Variants in BAZ2A observed in about 807,000 individuals in gnomAD.
BAZ2A encodes the protein bromodomain adjacent to zinc finger domain 2A, also known as bromodomain adjacent to zinc finger domain protein 2A.
A neutral mutation model predicts 199.9 loss-of-function variants in BAZ2A; 34 were observed. The observed-to-expected ratio is 0.17, with a 90% CI of 0.13 to 0.23. The LOEUF is 0.23. Among genes scored for constraint, BAZ2A ranks in the 10% least tolerant of loss-of-function variants. BAZ2A has a pLI of 1.00. For missense variants in BAZ2A, 2,002 were observed against 2,391.1 expected, an observed-to-expected ratio of 0.84 and a Z score of 3.39; for synonymous variants, 857 against 883.9, an observed-to-expected ratio of 0.97 and a Z score of 0.54.
rs1417979080 is a variant in BAZ2A, at chr12:56,600,749, C to A, written c.4534G>T (p.Asp1512Tyr). The change falls in exon 23 of 29, where the codon GAC becomes TAC. Residue 1512 changes from aspartate (D) to tyrosine (Y), a missense_variant. Physicochemically the swap from Asp to Tyr is radical, Grantham distance 160. This residue lies in a region of BAZ2A where 1,081 missense variants were observed against 1,274.7 expected (regional missense o/e 0.85). Coordinates refer to ENST00000549884, the MANE Select transcript of BAZ2A (RefSeq NM_001300905.2). ...TCTACCCATTGAAGCACTGCTAGGT[C>A]TGTCTCGTATGTCTTCTCTTTGGGG... Reference protein sequence around the residue: ...WSPKEKTYETDLAVLQWVEEL... With the variant: ...WSPKEKTYETYLAVLQWVEEL... 9.9e-6 allele frequency: 16 copies of A among 1,613,836 alleles called. 1 individual carries two copies. Among genetic ancestry groups the A allele is most frequent in the South Asian group, 4.4e-5 (4 of 91,072 alleles).
At chr12:56,616,490 A>T (rs551556715) in intron 2 of BAZ2A, among the ~76,000 whole-genome samples, 1 of 152,104 alleles carries the variant, frequency 6.6e-6, no homozygotes, top group Non-Finnish European at 1.5e-5. Context: ...GCCCTTCCCT[A>T]TAGGCATTGG....
At chr12:56,627,945 G>GGA (rs1269859494) in intron 1 of BAZ2A, among the ~76,000 whole-genome samples, 2 of 151,646 alleles carry the variant, frequency 1.3e-5, no homozygotes, top group African/African-American at 2.4e-5. Flanking sequence ...ACTTTGGGAG[G>GGA]CCGAGGTGGG....
At chr12:56,606,809 G>A (rs534744742) in intron 10 of BAZ2A, 76 bp from the exon 11 acceptor site, 47 of 1,213,222 alleles carry the variant, frequency 3.9e-5, no homozygotes, top group African/African-American at 1.8e-4. Flanking sequence ...ACACATGCCC[G>A]TCTCAAAGCT....
intron 12 of BAZ2A, 82 bp downstream of exon 12, chr12:56,606,165 A>G: frequency 1.9e-6 from 3 of 1,594,286 alleles, no homozygotes; most frequent in South Asian, 2.2e-5. Context: ...ATCTCACTAT[A>G]AAACAAGACT....
chr12:56,637,591 T>C (rs141109643), upstream of BAZ2A, among the ~76,000 whole-genome samples: 2 of 152,346 alleles, frequency 1.3e-5, no homozygotes, highest in African/African-American at 2.4e-5. Context: ...GAGAACCCTT[T>C]TGATTCCATT....
rs1254279588 is a variant in BAZ2A at position 56,613,248 on chromosome 12, AG to A, written c.917-16del. On this transcript the variant is annotated splice_polypyrimidine_tract_variant and intron_variant, in intron 4 of 28. Coordinates refer to ENST00000549884, the MANE Select transcript of BAZ2A (RefSeq NM_001300905.2). Reference sequence around the variant, plus strand: ...ACTCACTGGCTCTGTTTACAAGGGTAGAAAAATCAGAGCAGGATAATGAGAA... The same window carrying A: ...ACTCACTGGCTCTGTTTACAAGGGTAAAAAATCAGAGCAGGATAATGAGAA... 4.3e-6 allele frequency: 7 copies of A among 1,610,960 alleles called. No homozygotes were observed. The highest frequency in any genetic ancestry group is 5.9e-6 in the Non-Finnish European group (7 of 1,177,200).
Position 56,605,316 on chromosome 12 carries a change from G to T in BAZ2A, c.2505C>A (p.Asp835Glu), listed in dbSNP as rs766567230. The change falls in exon 14 of 29, where the codon GAC becomes GAA. Residue 835 changes from aspartate to glutamate, a missense_variant. Transcript: ENST00000549884. ...ATGTCAGACCAGGGACTCGTGAGAAGTCAGGCAGGGGCTAGAGAGAGAAAA... is the reference window on the plus strand; with the variant it reads ...ATGTCAGACCAGGGACTCGTGAGAATTCAGGCAGGGGCTAGAGAGAGAAAA... ...MCLTDHQPLP[D>E]FSRVPGLTLP... 10 of 1,611,914 alleles carry T rather than the reference G, an allele frequency of 6.2e-6. No individual in the cohort carries two copies. The highest frequency in any genetic ancestry group is 8.5e-6 in the Non-Finnish European group (10 of 1,178,558).
chr12:56,634,877 C>T (rs1951409812), upstream of BAZ2A: 2 of 979,526 alleles, frequency 2.0e-6, no homozygotes, highest in Non-Finnish European at 2.4e-6. Flanking sequence ...GCAGGGATCC[C>T]GGGGCAGGAT....
chr12:56,627,528 G>A (rs1465573993), intron 1 of BAZ2A, among the ~76,000 whole-genome samples: 1 of 150,064 alleles, frequency 6.7e-6, no homozygotes, highest in African/African-American at 2.5e-5. Flanking sequence ...AAAATCCTGT[G>A]GTCCTGGGGT....
At chr12:56,613,910 A>G (rs1237294665) in intron 4 of BAZ2A, 43 bp downstream of exon 4, 2 of 1,576,106 alleles carry the variant, frequency 1.3e-6, no homozygotes, top group Non-Finnish European at 8.7e-7. Flanking sequence ...AAGTTTGGCT[A>G]CTCTGCATGG....
intron 10 of BAZ2A, 52 bp from the exon 11 acceptor site, chr12:56,606,785 T>C (rs1361765289): frequency 3.4e-6 from 5 of 1,482,614 alleles, no homozygotes; most frequent in South Asian, 1.1e-5. Context: ...GGCAGTTCTC[T>C]AGCATCCAGG....
Position 56,604,245 on chromosome 12 carries a change from T to C in BAZ2A, c.3010A>G (p.Lys1004Glu). The change falls in exon 16 of 29, where the codon AAG (lysine) becomes GAG (glutamate). Residue 1004 changes from lysine to glutamate, a missense_variant. Physicochemically the swap from Lys to Glu is moderately conservative, Grantham distance 56. Around this residue, in one of 6 missense-constraint regions of BAZ2A, gnomAD observed 1,081 missense variants for 1,274.7 expected, o/e 0.85. Coordinates refer to ENST00000549884, the MANE Select transcript of BAZ2A (RefSeq NM_001300905.2). ...LESMSSYRKN[K>E]WIVEGRLRRL... is the part of the protein sequence containing the mutation. ...CGGAGCCGGCCTTCAACAATCCACT[T>C]GTTTTTCCTGTAGCTGGACATACTC... is the stretch of plus-strand genomic sequence containing the variant. 5 of 1,608,572 alleles carry C rather than the reference T, an allele frequency of 3.1e-6. No individual in the cohort carries two copies. The highest frequency in any genetic ancestry group is 4.2e-6 in the Non-Finnish European group (5 of 1,177,324).
intron 15 of BAZ2A, 77 bp downstream of exon 15, chr12:56,604,508 C>G: frequency 6.9e-7 from 1 of 1,458,930 alleles, no homozygotes; most frequent in Non-Finnish European, 9.2e-7. Flanking sequence ...TTTCTGAGGA[C>G]TTCTGGAAGG....
chr12:56,622,145 C>A (rs2137214894), intron 1 of BAZ2A, among the ~76,000 whole-genome samples: 1 of 152,176 alleles, frequency 6.6e-6, no homozygotes, highest in Admixed American at 6.5e-5. Flanking sequence ...TCGAAACCAG[C>A]CTGGCCAACA....
chr12:56,622,232 C>T (rs987610527), intron 1 of BAZ2A, among the ~76,000 whole-genome samples: 2 of 151,912 alleles, frequency 1.3e-5, no homozygotes, highest in African/African-American at 2.4e-5. Flanking sequence ...CCCAGCTACT[C>T]AGGAGGCTGA....
chr12:56,606,459 G>T, intron 11 of BAZ2A, 147 bp from the exon 12 acceptor site: 1 of 1,175,762 alleles, frequency 8.5e-7, no homozygotes, highest in East Asian at 2.3e-5. Context: ...TCACCCTAGA[G>T]ATGCCCACGT....
rs536436677 is a variant in BAZ2A, at chr12:56,612,942, C to T, written c.1135+73G>A. 4.1e-6 allele frequency: 6 copies of T among 1,480,086 alleles called. No homozygotes were observed. The East Asian group carries it at 9.6e-5, about 24-fold the overall frequency. 91.7% of individuals were successfully genotyped at this position (1,480,086 alleles called of 1,614,324 possible). A position where few individuals can be genotyped will look rare whatever the true frequency, so the allele number is the denominator to read the frequency against. ...CAGCCAGATTTCCCACTCTTAAGGCCCTAACTATGAAACTTATTCTCTCAT... is the reference window on the plus strand; with the variant it reads ...CAGCCAGATTTCCCACTCTTAAGGCTCTAACTATGAAACTTATTCTCTCAT... On this transcript the variant is annotated intron_variant, in intron 5 of 28. Transcript: ENST00000549884.
At chr12:56,600,905 G>T in intron 22 of BAZ2A, 38 bp downstream of exon 22, 1 of 1,612,132 alleles carries the variant, frequency 6.2e-7, no homozygotes. Context: ...GCTTATCCTG[G>T]GCTCTTCAGC....
intron 10 of BAZ2A, among the ~76,000 whole-genome samples, chr12:56,607,006 C>T (rs1004285396): frequency 4.6e-5 from 7 of 152,122 alleles, no homozygotes; most frequent in African/African-American, 1.7e-4. Flanking sequence ...TAGAAGGTGT[C>T]CTGCTGATAG....
Sources: gnomAD v4.1 joint callset for allele counts (sites outside exome capture counted in the v4.1 genomes callset) on GRCh38, gnomAD v4.1.1 for gene constraint, gnomAD v4.1.1 regional missense constraint, MANE v1.5 for transcripts, NCBI Gene and HGNC (gene_info 2026-07-23, HGNC 2026-07-21) for gene names.